The following FANCD2OS variants were observed in gnomAD, a reference collection of about 807,000 sequenced individuals.
FANCD2OS encodes the protein FANCD2 opposite strand, also known as FANCD2 opposite strand protein.
A neutral mutation model predicts 13.2 loss-of-function variants in FANCD2OS; 11 were observed. That is an observed-to-expected ratio of 0.83 (90% CI 0.52 to 1.38). The LOEUF is 1.38. Ranked by LOEUF, FANCD2OS falls within the 40% of genes most tolerant of loss-of-function variation. The probability of loss-of-function intolerance (pLI) is 0.00; values close to 1 mark genes in which losing one functional copy is unlikely to be tolerated. For synonymous variants in FANCD2OS, 69 were observed against 84.5 expected (o/e 0.82, Z 1.01); for missense variants, 217 against 213.9 (o/e 1.01, Z -0.09).
chr3:10,095,283 G>C, intron 2 of FANCD2OS: 1 of 1,613,268 alleles, frequency 6.2e-7, no homozygotes, highest in Non-Finnish European at 8.5e-7. Context: ...AGGTAAGAAG[G>C]GGAGCAGGTT....
At chr3:10,099,396 G>A (rs1200647159), downstream of FANCD2OS, 3 of 1,060,902 alleles carry the variant, frequency 2.8e-6, no homozygotes, top group South Asian at 8.4e-5. Context: ...GCCAAGGTAG[G>A]AGGATTGCTT....
At chr3:10,084,555 C>T (rs1251091504) in intron 2 of FANCD2OS, among the ~76,000 whole-genome samples, 3 of 152,200 alleles carry the variant, frequency 2.0e-5, no homozygotes, top group East Asian at 3.8e-4. Flanking sequence ...CCGCCTCAGC[C>T]TCCCAAAGTG....
At chr3:10,085,362 T>A (rs1289030250) in intron 2 of FANCD2OS, among the ~76,000 whole-genome samples, 1 of 152,124 alleles carries the variant, frequency 6.6e-6, no homozygotes, top group Non-Finnish European at 1.5e-5. Flanking sequence ...ACTTCAGTAC[T>A]TTCCATTTCA....
At chr3:10,087,543 A>G (rs1025352776) in intron 2 of FANCD2OS, among the ~76,000 whole-genome samples, 11 of 151,780 alleles carry the variant, frequency 7.2e-5, no homozygotes, top group African/African-American at 2.7e-4. Context: ...AAAAAAATTT[A>G]TCTGAGACAT....
intron 2 of FANCD2OS, chr3:10,087,300 T>TTA: frequency 7.7e-6 from 11 of 1,437,752 alleles, no homozygotes; most frequent in Non-Finnish European, 9.5e-6. Context: ...TTTTTTTTTT[T>TTA]AATGAATAGG....
chr3:10,105,809 TATATATATATA>T (rs1695481402), intron 1 of FANCD2OS, among the ~76,000 whole-genome samples: 1 of 77,442 alleles, frequency 1.3e-5, no homozygotes, highest in South Asian at 4.4e-4. Flanking sequence ...TATATATATA[TATATATATATA>T]TTTTGAGGTT....
At chr3:10,097,247 ACATCTTAT>A (rs1559410140) in intron 2 of FANCD2OS, among the ~76,000 whole-genome samples, 1 of 152,228 alleles carries the variant, frequency 6.6e-6, no homozygotes, top group Non-Finnish European at 1.5e-5. Flanking sequence ...GTCATTGATA[ACATCTTAT>A]CAGGAGACAG....
intron 2 of FANCD2OS, chr3:10,087,220 T>C (rs756202265): frequency 1.9e-6 from 3 of 1,613,774 alleles, no homozygotes; most frequent in African/African-American, 2.7e-5. Flanking sequence ...TTGATGGTTA[T>C]TTTGGAGAAA....
rs771546001 is a variant in FANCD2OS, at chr3:10,104,400, G to C, written c.375C>G (p.Ala125=). The part of the protein sequence containing the change: ...TGTFRVSDKS[A]FCKIISREHQ... The stretch of plus-strand genomic sequence containing the variant: ...GCTCCCTGCTAATGATTTTGCAAAA[G>C]GCTGACTTGTCTGAAACTCTGAAAG... The change falls in exon 2 of 2, where the codon GCC becomes GCG. Residue 125 remains alanine (A), a synonymous_variant. Transcript: ENST00000450660. 6 of 1,614,076 alleles carry C rather than the reference G, an allele frequency of 3.7e-6. No homozygotes were observed. The South Asian group carries it at 6.6e-5, about 18-fold the overall frequency.
intron 2 of FANCD2OS, among the ~76,000 whole-genome samples, chr3:10,088,033 A>G (rs987561038): frequency 1.3e-5 from 2 of 152,254 alleles, no homozygotes; most frequent in African/African-American, 4.8e-5. Context: ...CAAGATAAAA[A>G]TGCAAAACAA....
chr3:10,108,401 C>A (rs535747300), upstream of FANCD2OS, among the ~76,000 whole-genome samples: 544 of 152,272 alleles, frequency 3.6e-3, 4 homozygotes, highest in Middle Eastern at 0.014. Context: ...ACACTCCCCG[C>A]CCCCACCTCA....
At chr3:10,102,306 G>C (rs946147213), downstream of FANCD2OS, among the ~76,000 whole-genome samples, 2 of 151,864 alleles carry the variant, frequency 1.3e-5, no homozygotes, top group East Asian at 3.9e-4. Context: ...ACCATGCCTG[G>C]CTAATCTTTG....
At chr3:10,099,020 G>C, downstream of FANCD2OS, 1 of 1,611,984 alleles carries the variant, frequency 6.2e-7, no homozygotes, top group Non-Finnish European at 8.5e-7. Flanking sequence ...TCACTCCTGA[G>C]TATCTCGAGT....
chr3:10,081,613 T>TA, intron 2 of FANCD2OS: 1 of 751,492 alleles, frequency 1.3e-6, no homozygotes. Flanking sequence ...TTTTTGTCTG[T>TA]ATTATTTCAT....
Position 10,104,297 on chromosome 3 carries a change from G to A in FANCD2OS, c.478C>T (p.Leu160Phe). ...TTTTTGTAAGTTGCATACAGCAAGA[G>A]GATAGAGCGCAGCATCTGTTTGCAC... ...TMCKQMLRSI[L>F]LLYATYKKCT... Residue 160 changes from leucine (L) to phenylalanine (F), a missense_variant, in exon 2 of 2, where the codon CTC becomes TTC. Leu to Phe is a conservative substitution (Grantham distance 22, BLOSUM62 0). Transcript: ENST00000450660. 2 of 1,614,138 alleles carry A rather than the reference G, an allele frequency of 1.2e-6. No homozygotes were observed. Among genetic ancestry groups the A allele is most frequent in the Non-Finnish European group, 1.7e-6 (2 of 1,179,982 alleles).
downstream of FANCD2OS, among the ~76,000 whole-genome samples, chr3:10,100,301 C>G (rs1695224793): frequency 6.6e-6 from 1 of 152,246 alleles, no homozygotes; most frequent in Non-Finnish European, 1.5e-5. Context: ...TTCCCCTAAG[C>G]AGATCTCTCA....
chr3:10,105,250 C>T (rs1377125357), intron 1 of FANCD2OS, among the ~76,000 whole-genome samples: 1 of 152,200 alleles, frequency 6.6e-6, no homozygotes, highest in African/African-American at 2.4e-5. Context: ...AACTTTTTCA[C>T]AAGCCTTTGG....
rs1695421028 is a variant in FANCD2OS at position 10,104,684 on chromosome 3, G to T, written c.91C>A (p.His31Asn). 1 of 1,613,988 alleles carries T rather than the reference G, an allele frequency of 6.2e-7. No homozygotes were observed. Reference protein sequence around the residue: ...RHTTPTPSSKHPFKASPCFPH... With the variant: ...RHTTPTPSSKNPFKASPCFPH... ...AAGCAGGGGGAGGCCTTGAATGGGT[G>T]CTTGGAGGAAGGTGTAGGTGTCGTG... The change falls in exon 2 of 2, where the codon CAC (histidine) becomes AAC (asparagine). Residue 31 changes from histidine (H) to asparagine (N), a missense_variant. Coordinates refer to ENST00000450660, the MANE Select transcript of FANCD2OS (RefSeq NM_001164839.2).
At chr3:10,084,987 G>A (rs537583769) in intron 2 of FANCD2OS, among the ~76,000 whole-genome samples, 2 of 152,276 alleles carry the variant, frequency 1.3e-5, no homozygotes, top group African/African-American at 4.8e-5. Context: ...ATAGGGGCCT[G>A]GCCAAAATGA....
Sources: allele counts gnomAD v4.1 joint callset (sites outside exome capture counted in the v4.1 genomes callset), GRCh38; gene constraint gnomAD v4.1.1; transcripts MANE v1.5; gene names NCBI Gene and HGNC (gene_info 2026-07-23, HGNC 2026-07-21).